The following TRMT2B variants were observed in gnomAD, a reference collection of about 807,000 sequenced individuals.
TRMT2B encodes the protein tRNA (uracil-5-)-methyltransferase homolog B.
TRMT2B carries 34 observed loss-of-function variants against 39.7 expected under a neutral mutation model. The ratio of observed to expected loss-of-function variants is 0.86; its 90% CI spans 0.65 to 1.14. The LOEUF is 1.14. TRMT2B is among the 50% of genes most tolerant of loss of function. TRMT2B has a pLI of 0.00. For missense variants in TRMT2B, 318 were observed against 377.2 expected, an observed-to-expected ratio of 0.84 and a Z score of 1.30; for synonymous variants, 132 against 137.3, an observed-to-expected ratio of 0.96 and a Z score of 0.27.
chrX:101,051,535 A>G lies in TRMT2B; in HGVS notation c.-308T>C. 1.3e-6 allele frequency: 1 copy of G among 754,530 alleles called. No individual in the cohort carries two copies. The highest frequency in any genetic ancestry group is 6.7e-5 in the South Asian group (1 of 14,865). 62.2% of individuals were successfully genotyped at this position (754,530 alleles called of 1,213,427 possible). On this transcript the variant is annotated 5_prime_UTR_variant, in exon 2 of 14. Coordinates refer to ENST00000372936, the MANE Select transcript of TRMT2B (RefSeq NM_024917.6). ...TAGGAAGGGTTAACAAAGAGGAGAC[A>G]CTAGGAAAGGCTACCACTAAACTTG...
chrX:100,995,668 A>G, the TRMT2B span, among the ~76,000 whole-genome samples: 2 of 112,030 alleles, frequency 1.8e-5, no homozygotes, highest in Admixed American at 1.9e-4. Context: ...ATGAGACAGC[A>G]GGCCTTTAGA....
the TRMT2B span, among the ~76,000 whole-genome samples, chrX:100,993,365 T>G: frequency 0.039 from 4,405 of 112,106 alleles, 229 homozygotes; most frequent in African/African-American, 0.14. Flanking sequence ...GCTGGAGAAT[T>G]CTGCTGACAA....
chrX:100,991,146 T>C, the TRMT2B span, among the ~76,000 whole-genome samples: 5 of 111,915 alleles, frequency 4.5e-5, no homozygotes, highest in African/African-American at 1.6e-4. Context: ...CATTTATGAA[T>C]ATTTGCATTA....
Position 101,019,405 on chromosome X carries a change from T to A in TRMT2B, c.1169-2A>T, listed in dbSNP as rs373462616. 3.3e-6 allele frequency: 4 copies of A among 1,208,274 alleles called. No homozygotes were observed. The African/African-American group carries it at 7.0e-5, about 21-fold the overall frequency. ...TATGAAATTCAGAGTTGGTGATGCC[T>A]ATGGAAGACAGGCCCACAGGACATA... On this transcript the variant is annotated splice_acceptor_variant, in intron 11 of 13. Transcript: ENST00000372936. LOFTEE classifies it high-confidence loss of function.
intron 5 of TRMT2B, 89 bp downstream of exon 5, chrX:101,037,828 G>C: frequency 3.2e-6 from 3 of 951,140 alleles, no homozygotes; most frequent in Non-Finnish European, 2.9e-6. Context: ...CATAGGGCCT[G>C]GTCCCTAGCA....
chrX:101,004,295 C>T, the TRMT2B span, among the ~76,000 whole-genome samples: 3 of 107,519 alleles, frequency 2.8e-5, no homozygotes, highest in Non-Finnish European at 3.9e-5. Flanking sequence ...AACAACAAAC[C>T]CTCAAAAAAA....
the TRMT2B span, among the ~76,000 whole-genome samples, chrX:100,992,104 TG>T: frequency 2.7e-5 from 3 of 111,553 alleles, no homozygotes; most frequent in Admixed American, 9.6e-5. Flanking sequence ...TACACTGATT[TG>T]ATCTTCATAA....
In TRMT2B at chrX:101,023,626, G is replaced by A. The variant is rs2086903315; in HGVS notation, c.610-10C>T. On this transcript the variant is annotated splice_polypyrimidine_tract_variant and intron_variant, in intron 7 of 13. Coordinates refer to ENST00000372936, the MANE Select transcript of TRMT2B (RefSeq NM_024917.6). ...GGAATACTTCATAGTACTAGGAAGA[G>A]AACCGAATTATTACACAAGCAAAAC... The A allele has an allele frequency of 8.4e-7, 1 of 1,186,340 alleles. No homozygotes were observed. Among genetic ancestry groups the A allele is most frequent in the African/African-American group, 1.7e-5 (1 of 57,268 alleles).
At chrX:100,979,953 G>GTC in the TRMT2B span, among the ~76,000 whole-genome samples, 2 of 111,248 alleles carry the variant, frequency 1.8e-5, no homozygotes, top group African/African-American at 6.5e-5. Context: ...AACAAATGGA[G>GTC]TCTCTCTCTC....
At chrX:100,994,559 T>C in the TRMT2B span, among the ~76,000 whole-genome samples, 4 of 111,756 alleles carry the variant, frequency 3.6e-5, no homozygotes, top group Non-Finnish European at 7.5e-5. Flanking sequence ...TTGTCATTCA[T>C]GTGTTAGGTC....
At chrX:101,007,628 C>T (rs1455648832), downstream of TRMT2B, among the ~76,000 whole-genome samples, 1 of 111,673 alleles carries the variant, frequency 9.0e-6, no homozygotes, top group Non-Finnish European at 1.9e-5. Flanking sequence ...TGCACTCCAG[C>T]CTGGGTGACA....
the TRMT2B span, chrX:100,985,742 T>A: frequency 2.5e-6 from 3 of 1,209,252 alleles, no homozygotes; most frequent in African/African-American, 5.3e-5. Context: ...GAACTTTCCA[T>A]CTATGACCTG....
intron 4 of TRMT2B, 117 bp from the exon 5 acceptor site, chrX:101,038,168 G>T (rs2087955797): frequency 1.8e-6 from 1 of 554,352 alleles, no homozygotes; most frequent in Non-Finnish European, 2.9e-6. Flanking sequence ...AGGAGTTCGA[G>T]ACCAGCCTGA....
chrX:101,004,274 A>G, the TRMT2B span, among the ~76,000 whole-genome samples: 4 of 110,114 alleles, frequency 3.6e-5, no homozygotes, highest in Non-Finnish European at 7.6e-5. Flanking sequence ...AACAACAACA[A>G]CAACAACAAC....
At chrX:100,999,685 T>C in the TRMT2B span, among the ~76,000 whole-genome samples, 2 of 112,259 alleles carry the variant, frequency 1.8e-5, no homozygotes, top group African/African-American at 6.5e-5. Context: ...ACTTGGAAGT[T>C]TGGAAAGATC....
chrX:101,004,408 A>G (rs753800107), downstream of TRMT2B, among the ~76,000 whole-genome samples: 4 of 109,636 alleles, frequency 3.6e-5, no homozygotes, highest in East Asian at 5.8e-4. Context: ...CTGGTCTTCA[A>G]CTCCTGGGCT....
In TRMT2B at chrX:101,037,990, T is replaced by A. The variant is rs1326246962; in HGVS notation, c.365A>T (p.Asn122Ile). ...QRLESYIQMLNGVSVTTAVPK... is the reference protein window; with the variant it reads ...QRLESYIQMLIGVSVTTAVPK... ...TACAGCCGTTGTCACACTGACTCCA[T>A]TGAGCATTTGGATGTAAGACTCTAG... The change falls in exon 5 of 14, where the codon AAT becomes ATT. Residue 122 changes from asparagine (N) to isoleucine (I), a missense_variant. Asn to Ile is a moderately radical substitution (Grantham distance 149). Coordinates refer to ENST00000372936, the MANE Select transcript of TRMT2B (RefSeq NM_024917.6). 2.5e-6 allele frequency: 3 copies of A among 1,208,508 alleles called. No individual in the cohort carries two copies. The highest frequency in any genetic ancestry group is 3.4e-6 in the Non-Finnish European group (3 of 892,941).
At chrX:101,044,358 A>T (rs1042988545) in intron 2 of TRMT2B, among the ~76,000 whole-genome samples, 4 of 112,306 alleles carry the variant, frequency 3.6e-5, no homozygotes, top group Non-Finnish European at 7.5e-5. Context: ...AAGCAGTAGG[A>T]TAAGTCGAGA....
In TRMT2B at chrX:101,041,358, C is replaced by T; in HGVS notation, c.262G>A (p.Val88Met). 6 of 1,208,501 alleles carry T rather than the reference C, an allele frequency of 5.0e-6. No homozygotes were observed. The highest frequency in any genetic ancestry group is 5.6e-6 in the Non-Finnish European group (5 of 893,776). Residue 88 changes from valine to methionine, a missense_variant, in exon 4 of 14, where the codon GTG becomes ATG. Physicochemically the swap from Val to Met is conservative, Grantham distance 21. Coordinates refer to ENST00000372936, the MANE Select transcript of TRMT2B (RefSeq NM_024917.6). ...TAGCTCAACCTCCAGAGTGGTGTCA[C>T]AACATCAGCCAGCCTTGAATAAAAT... Reference protein sequence around the residue: ...GSWQERLADVVTPLWRLSYEE... With the variant: ...GSWQERLADVMTPLWRLSYEE...
Sources: allele counts gnomAD v4.1 joint callset (sites outside exome capture counted in the v4.1 genomes callset), GRCh38; gene constraint gnomAD v4.1.1; transcripts MANE v1.5; gene names NCBI Gene and HGNC (gene_info 2026-07-23, HGNC 2026-07-21).